LRP1B: variants seen among roughly 807,000 people sequenced by gnomAD.
LRP1B encodes the protein LDL receptor related protein 1B.
In LRP1B, 217 loss-of-function variants were observed where a neutral mutation model predicts 556.6. That is an observed-to-expected ratio of 0.39 (90% CI 0.35 to 0.44). LRP1B has a LOEUF of 0.44. Among genes scored for constraint, LRP1B ranks in the 20% least tolerant of loss-of-function variants. The pLI, the probability that LRP1B is intolerant of heterozygous loss-of-function variation, is 1.00. For missense variants in LRP1B, 5,053 were observed against 5,620.8 expected, an observed-to-expected ratio of 0.90 and a Z score of 3.23; for synonymous variants, 2,047 against 1,865.8, an observed-to-expected ratio of 1.10 and a Z score of -2.50.
intron 86 of LRP1B, among the ~76,000 whole-genome samples, chr2:140,257,753 C>T (rs781606873): frequency 2.6e-5 from 4 of 152,166 alleles, no homozygotes; most frequent in Non-Finnish European, 4.4e-5. Flanking sequence ...AAATCAGGGA[C>T]ATACAATGTC....
chr2:141,639,341 T>C (rs767683481), intron 2 of LRP1B, among the ~76,000 whole-genome samples: 26,239 of 56,990 alleles, frequency 0.46, 6,123 homozygotes, highest in Non-Finnish European at 0.54. Context: ...TATATATATA[T>C]ATATATATAC....
intron 1 of LRP1B, among the ~76,000 whole-genome samples, chr2:141,962,060 T>C (rs904267627): frequency 6.6e-6 from 1 of 151,758 alleles, no homozygotes; most frequent in African/African-American, 2.4e-5. Flanking sequence ...TAGAAGCAGG[T>C]AAAAAGAAAT....
intron 82 of LRP1B, among the ~76,000 whole-genome samples, chr2:140,318,275 A>G (rs934149473): frequency 6.6e-6 from 1 of 152,136 alleles, no homozygotes; most frequent in African/African-American, 2.4e-5. Context: ...TTCAAGACCT[A>G]TATGTGTAAA....
intron 2 of LRP1B, among the ~76,000 whole-genome samples, chr2:141,658,683 A>C (rs1690103911): frequency 6.6e-6 from 1 of 152,260 alleles, no homozygotes; most frequent in African/African-American, 2.4e-5. Context: ...GCAGCAATGC[A>C]TAAATAATAC....
chr2:140,803,290 T>TTTTTTTTTTTTTTTC lies in LRP1B; in HGVS notation c.5359+10366_5359+10367insGAAAAAAAAAAAAAA, dbSNP rs869303438. ...TTTTTTTTTTTTTTTTTTTTTTTTT[T>TTTTTTTTTTTTTTTC]CCGAGATGGAGTCTCCCTCTGTCTC... On this transcript the variant is annotated intron_variant, in intron 32 of 90. Transcript: ENST00000389484. 1.6e-4 allele frequency among the ~76,000 whole-genome samples: 19 copies of TTTTTTTTTTTTTTTC among 115,284 alleles called. 2 individuals carry two copies. The highest frequency in any genetic ancestry group is 6.2e-4 in the African/African-American group (18 of 28,882). The allele number at this position is 115,284 out of a possible 152,430, so 75.6% of individuals were successfully genotyped here.
In LRP1B at chr2:141,023,908, C is replaced by T. The variant is rs145563631; in HGVS notation, c.1790-3806G>A. ...TGAACATTATTTTTCTGAGTTGGAA[C>T]GGAAGTGTCTACGTGAGTACAGAGT... On this transcript the variant is annotated intron_variant, in intron 11 of 90. Coordinates refer to ENST00000389484, the MANE Select transcript of LRP1B (RefSeq NM_018557.3). Among the ~76,000 whole-genome samples the T allele has an allele frequency of 3.1e-3, 465 of 152,080 alleles. 2 individuals are homozygous for T. The highest frequency in any genetic ancestry group is 4.9e-3 in the Non-Finnish European group (330 of 67,964).
intron 2 of LRP1B, among the ~76,000 whole-genome samples, chr2:141,613,388 C>A (rs1015793573): frequency 6.6e-6 from 1 of 152,114 alleles, no homozygotes; most frequent in Non-Finnish European, 1.5e-5. Context: ...TATAAGAAAC[C>A]TGCACTTCCT....
intron 69 of LRP1B, among the ~76,000 whole-genome samples, chr2:140,372,602 A>G (rs1683044298): frequency 6.6e-6 from 1 of 152,186 alleles, no homozygotes; most frequent in African/African-American, 2.4e-5. Context: ...CAACACAATT[A>G]TGCTGCTTCT....
chr2:141,752,464 G>A (rs1380260470), intron 2 of LRP1B, among the ~76,000 whole-genome samples: 1 of 152,026 alleles, frequency 6.6e-6, no homozygotes, highest in African/African-American at 2.4e-5. Flanking sequence ...GCTCTTTTGG[G>A]TACCACTACC....
chr2:141,490,370 CGTGT>C (rs767310378), intron 2 of LRP1B, among the ~76,000 whole-genome samples: 2 of 121,228 alleles, frequency 1.6e-5, no homozygotes, highest in African/African-American at 6.7e-5. Flanking sequence ...AAAATAGCCT[CGTGT>C]GTGTGTGTGT....
intron 11 of LRP1B, among the ~76,000 whole-genome samples, chr2:141,021,595 T>C (rs1698065619): frequency 6.6e-6 from 1 of 152,030 alleles, no homozygotes; most frequent in African/African-American, 2.4e-5. Flanking sequence ...CTATAGCTGG[T>C]TTTTGTTAGT....
chr2:141,296,142 C>T (rs566857271), intron 3 of LRP1B, among the ~76,000 whole-genome samples: 2 of 152,210 alleles, frequency 1.3e-5, no homozygotes, highest in East Asian at 3.9e-4. Context: ...ATAAAAAAAT[C>T]ATGGAATATT....
intron 86 of LRP1B, among the ~76,000 whole-genome samples, chr2:140,267,943 GA>G (rs70985080): frequency 4.6e-5 from 7 of 150,716 alleles, no homozygotes; most frequent in East Asian, 2.0e-4. Context: ...GCAAAAAGTG[GA>G]AAAAAAAATC....
intron 2 of LRP1B, among the ~76,000 whole-genome samples, chr2:141,544,393 C>CTTTT (rs1685470753): frequency 1.9e-4 from 8 of 41,404 alleles, no homozygotes; most frequent in Non-Finnish European, 3.6e-4. Context: ...TCCTCCTCCT[C>CTTTT]CTCCTCCTCC....
chr2:140,567,428 G>T (rs1055607654), intron 43 of LRP1B, among the ~76,000 whole-genome samples: 6 of 151,938 alleles, frequency 3.9e-5, no homozygotes, highest in Non-Finnish European at 5.9e-5. Context: ...TGCTCCTCAC[G>T]CCCAAACCTC....
intron 90 of LRP1B, among the ~76,000 whole-genome samples, chr2:140,233,742 C>T (rs184813101): frequency 3.3e-5 from 5 of 151,386 alleles, no homozygotes; most frequent in Admixed American, 2.6e-4. Flanking sequence ...TTCAGAAAAA[C>T]ATTTGTTTGG....
Position 140,485,841 on chromosome 2 carries a change from GCACATACACA to G in LRP1B, c.9244-327_9244-318del, listed in dbSNP as rs1202544366. Among the ~76,000 whole-genome samples, 355 of 54,798 alleles carry G rather than the reference GCACATACACA, an allele frequency of 6.5e-3. 2 individuals carry two copies. The highest frequency in any genetic ancestry group is 0.019 in the African/African-American group (346 of 18,056). 35.9% of individuals were successfully genotyped at this position (54,798 alleles called of 152,430 possible). ...TTAAAATTTGGGACAAAATTCTCAC[GCACATACACA>G]CACACACACACACACACACACACAC... On this transcript the variant is annotated intron_variant, in intron 58 of 90. Coordinates refer to ENST00000389484, the MANE Select transcript of LRP1B (RefSeq NM_018557.3).
intron 2 of LRP1B, among the ~76,000 whole-genome samples, chr2:141,506,820 GA>G (rs1446625038): frequency 3.3e-5 from 5 of 151,898 alleles, no homozygotes; most frequent in East Asian, 1.9e-4. Context: ...GTGCCCTTGG[GA>G]AAAAAATATT....
In LRP1B at chr2:141,864,560, A is replaced by AG. The variant is rs964539405; in HGVS notation, c.83-54160dup. Reference sequence around the variant, plus strand: ...AACTTTATTTTGCATTAAAATCTTGAGGGAAAAAAAAAAAAAAAACTTATG... The same window carrying AG: ...AACTTTATTTTGCATTAAAATCTTGAGGGGAAAAAAAAAAAAAAAACTTATG... On this transcript the variant is annotated intron_variant, in intron 1 of 90. Coordinates refer to ENST00000389484, the MANE Select transcript of LRP1B (RefSeq NM_018557.3). Among the ~76,000 whole-genome samples, 11 of 92,894 alleles carry AG rather than the reference A, an allele frequency of 1.2e-4. No homozygotes were observed. In the South Asian group the frequency reaches 1.4e-3, roughly 12 times the overall value. The allele number at this position is 92,894 out of a possible 152,430, so 60.9% of individuals were successfully genotyped here.
Sources: gnomAD v4.1 joint callset for allele counts (sites outside exome capture counted in the v4.1 genomes callset) on GRCh38, gnomAD v4.1.1 for gene constraint, MANE v1.5 for transcripts, NCBI Gene and HGNC (gene_info 2026-07-23, HGNC 2026-07-21) for gene names.